Variants in DLG2 observed in about 807,000 individuals in gnomAD.
DLG2 encodes the protein disks large homolog 2.
In DLG2, 45 loss-of-function variants were observed where a neutral mutation model predicts 132.5. The observed-to-expected ratio is 0.34, with a 90% confidence interval of 0.27 to 0.44. The LOEUF is 0.44. Among genes scored for constraint, DLG2 ranks in the 20% least tolerant of loss-of-function variants. DLG2 has a pLI of 1.00. For missense variants in DLG2, 1,045 were observed against 1,196.9 expected (o/e 0.87, Z 1.87); for synonymous variants, 424 against 419.6 (o/e 1.01, Z -0.13).
rs1320442867 is a variant in DLG2 at position 83,455,781 on chromosome 11, G to C, written c.*4037C>G. On this transcript the variant is annotated 3_prime_UTR_variant, in exon 28 of 28. Coordinates refer to ENST00000376104, the MANE Select transcript of DLG2 (RefSeq NM_001142699.3). ...AGTAAAATGTATATCACAGAATTCT[G>C]TAGGGAGTCCCCTGGCAAGTCAGCT... The C allele has an allele frequency of 1.3e-5, 2 of 152,594 alleles. No individual in the cohort carries two copies. Among genetic ancestry groups the C allele is most frequent in the Non-Finnish European group, 2.9e-5 (2 of 68,042 alleles). 9.5% of individuals were successfully genotyped at this position (152,594 alleles called of 1,614,324 possible).
At chr11:83,552,845 A>G (rs562521314) in intron 19 of DLG2, among the ~76,000 whole-genome samples, 1 of 152,348 alleles carries the variant, frequency 6.6e-6, no homozygotes, top group African/African-American at 2.4e-5. Context: ...TGATCAATAT[A>G]AAAAATTCTG....
intron 3 of DLG2, among the ~76,000 whole-genome samples, chr11:85,457,322 A>T (rs574529862): frequency 6.6e-6 from 1 of 151,670 alleles, no homozygotes; most frequent in Admixed American, 6.6e-5. Flanking sequence ...TTTTGGGCCT[A>T]TGAATGTTGC....
At chr11:85,191,154 G>GCA (rs1555395176) in intron 4 of DLG2, among the ~76,000 whole-genome samples, 8 of 125,150 alleles carry the variant, frequency 6.4e-5, no homozygotes, top group East Asian at 2.4e-4. Flanking sequence ...GCGCGCGCGC[G>GCA]CACGCGCGCA....
intron 7 of DLG2, among the ~76,000 whole-genome samples, chr11:84,399,837 G>A (rs2098823481): frequency 6.6e-6 from 1 of 152,176 alleles, no homozygotes; most frequent in African/African-American, 2.4e-5. Context: ...GCTTGAATTT[G>A]GGTCTGATCG....
At chr11:85,028,082 T>C (rs555249176) in intron 6 of DLG2, among the ~76,000 whole-genome samples, 102 of 152,304 alleles carry the variant, frequency 6.7e-4, no homozygotes, top group Admixed American at 1.6e-3. Flanking sequence ...AGCTCCTTTC[T>C]GCAGGCAGGT....
intron 10 of DLG2, among the ~76,000 whole-genome samples, chr11:84,090,339 A>T (rs1267891154): frequency 6.8e-6 from 1 of 147,342 alleles, no homozygotes; most frequent in East Asian, 2.1e-4. Flanking sequence ...GCTTGAACCC[A>T]GGAGGCGGAG....
At chr11:84,052,499 C>T (rs2096409121) in intron 11 of DLG2, among the ~76,000 whole-genome samples, 1 of 150,702 alleles carries the variant, frequency 6.6e-6, no homozygotes, top group Non-Finnish European at 1.5e-5. Flanking sequence ...AACAAATTTA[C>T]AAGAAAAAAA....
At chr11:84,011,573 G>A (rs1189061534) in intron 11 of DLG2, among the ~76,000 whole-genome samples, 4 of 151,982 alleles carry the variant, frequency 2.6e-5, no homozygotes, top group African/African-American at 9.7e-5. Context: ...ATTGTCAGTT[G>A]GCATTTTTAC....
chr11:84,968,809 C>A (rs1001190831), intron 6 of DLG2, among the ~76,000 whole-genome samples: 2 of 152,104 alleles, frequency 1.3e-5, no homozygotes, highest in Admixed American at 6.5e-5. Context: ...AGTGGCAGAA[C>A]TGAGATTACA....
intron 6 of DLG2, among the ~76,000 whole-genome samples, chr11:84,845,581 T>G (rs1180259618): frequency 6.6e-6 from 1 of 152,106 alleles, no homozygotes; most frequent in Admixed American, 6.6e-5. Context: ...AATGGACATC[T>G]GTTTGTCTTT....
intron 7 of DLG2, among the ~76,000 whole-genome samples, chr11:84,464,261 T>C (rs923108057): frequency 6.6e-5 from 10 of 151,086 alleles, no homozygotes; most frequent in African/African-American, 2.2e-4. Flanking sequence ...GAATAATATG[T>C]ATAATGGCAG....
chr11:83,812,339 A>G (rs1016037325), intron 17 of DLG2, among the ~76,000 whole-genome samples: 2 of 152,078 alleles, frequency 1.3e-5, no homozygotes, highest in Admixed American at 6.6e-5. Flanking sequence ...TAGATGGGCT[A>G]AGAAATATAT....
At chr11:84,678,727 T>A (rs1423050529) in intron 6 of DLG2, among the ~76,000 whole-genome samples, 1 of 152,072 alleles carries the variant, frequency 6.6e-6, no homozygotes, top group Non-Finnish European at 1.5e-5. Flanking sequence ...ATACCCTGAT[T>A]AAATATATTG....
At chr11:84,936,637 G>C (rs972332756) in intron 6 of DLG2, 1 of 152,012 alleles carries the variant, frequency 6.6e-6, no homozygotes, top group Non-Finnish European at 1.5e-5. Flanking sequence ...ACTGGCAGTA[G>C]TTATCTTAAA....
At chr11:84,455,166 G>A (rs2099062074) in intron 7 of DLG2, among the ~76,000 whole-genome samples, 1 of 151,278 alleles carries the variant, frequency 6.6e-6, no homozygotes, top group South Asian at 2.1e-4. Context: ...CCTAACTTCT[G>A]TTCTTCTATT....
In DLG2 at chr11:84,391,686, C is replaced by T. The variant is rs186066805; in HGVS notation, c.520-140395G>A. On this transcript the variant is annotated intron_variant, in intron 7 of 27. Transcript: ENST00000376104. ...AGTATCACTACAGCTGATTGTATTC[C>T]GAGACTTCTTAATGGAAAGCAAACA... Among the ~76,000 whole-genome samples the T allele has an allele frequency of 5.9e-5, 9 of 151,920 alleles. No individual in the cohort carries two copies. In the South Asian group the frequency reaches 8.3e-4, roughly 14 times the overall value.
chr11:83,789,865 A>G, intron 17 of DLG2: 1 of 507,184 alleles, frequency 2.0e-6, no homozygotes, highest in East Asian at 3.8e-5. Flanking sequence ...ATAAAAGTGA[A>G]ATAGTTATGG....
intron 3 of DLG2, among the ~76,000 whole-genome samples, chr11:85,372,573 C>T (rs1037354179): frequency 2.0e-5 from 3 of 152,196 alleles, no homozygotes; most frequent in Non-Finnish European, 2.9e-5. Flanking sequence ...TGATTACTGC[C>T]AATTAAGGCA....
chr11:83,682,469 C>T, intron 18 of DLG2: 1 of 979,970 alleles, frequency 1.0e-6, no homozygotes, highest in Non-Finnish European at 1.2e-6. Context: ...TTGGGATGTA[C>T]CACTATTAAC....
Sources: gnomAD v4.1 joint callset for allele counts (sites outside exome capture counted in the v4.1 genomes callset) on GRCh38, gnomAD v4.1.1 for gene constraint, MANE v1.5 for transcripts, NCBI Gene and HGNC (gene_info 2026-07-23, HGNC 2026-07-21) for gene names.